Variants in CDON observed in about 807,000 individuals in gnomAD.
CDON encodes the protein cell adhesion associated, oncogene regulated, also known as cell adhesion molecule-related/down-regulated by oncogenes.
CDON carries 73 observed loss-of-function variants against 120.9 expected under a neutral mutation model. The observed-to-expected ratio is 0.60, with a 90% CI of 0.50 to 0.73. The LOEUF (loss-of-function observed/expected upper bound fraction) is 0.73, where lower values mean the gene tolerates loss of function less well. CDON is among the 30% of genes least tolerant of loss of function. The pLI is 0.00. For missense variants in CDON, 1,470 were observed against 1,587.3 expected (o/e 0.93, Z 1.26); for synonymous variants, 566 against 573.5 (o/e 0.99, Z 0.19).
chr11:126,056,732 T>C (rs532868733), intron 1 of CDON, among the ~76,000 whole-genome samples: 4 of 152,350 alleles, frequency 2.6e-5, no homozygotes, highest in African/African-American at 9.6e-5. Context: ...TCTGAATGTA[T>C]AGGCATAGCC....
intron 1 of CDON, among the ~76,000 whole-genome samples, chr11:126,043,958 G>A (rs1948334424): frequency 6.6e-6 from 1 of 152,204 alleles, no homozygotes; most frequent in Non-Finnish European, 1.5e-5. Flanking sequence ...ACCAAAGACA[G>A]GTCCCAAAAT....
At position 126,023,439 on chromosome 11, in the gene CDON, T is replaced by C. The variant is rs758651711; in HGVS notation, c.38A>G (p.Tyr13Cys). 9 of 1,613,302 alleles carry C rather than the reference T, an allele frequency of 5.6e-6. No homozygotes were observed. The highest frequency in any genetic ancestry group is 1.7e-6 in the Non-Finnish European group (2 of 1,179,282). Residue 13 changes from tyrosine to cysteine, a missense_variant, in exon 2 of 20, where the codon TAT (tyrosine) becomes TGT (cysteine). Coordinates refer to ENST00000531738, the MANE Select transcript of CDON (RefSeq NM_001378964.1). The part of the protein sequence containing the change: ...PDLGPLCTLL[Y>C]VTLTILCSSV... ...AGAGCACAGAATTGTAAGAGTAACATACAGCAGTGTACATAAGGGTCCAAG... is the reference window on the plus strand; with the variant it reads ...AGAGCACAGAATTGTAAGAGTAACACACAGCAGTGTACATAAGGGTCCAAG...
At chr11:126,050,578 T>C (rs989589299) in intron 1 of CDON, among the ~76,000 whole-genome samples, 5 of 151,134 alleles carry the variant, frequency 3.3e-5, no homozygotes, top group African/African-American at 9.8e-5. Context: ...AAGGGCTCTA[T>C]AAAAGTTATT....
intron 1 of CDON, among the ~76,000 whole-genome samples, chr11:126,048,926 C>T (rs1948480584): frequency 6.6e-6 from 1 of 152,184 alleles, no homozygotes; most frequent in Non-Finnish European, 1.5e-5. Context: ...TGGTCTCAAA[C>T]TCCCAATCTC....
At chr11:126,006,247 G>A (rs1454118435) in intron 8 of CDON, among the ~76,000 whole-genome samples, 190 bp from the exon 9 acceptor site, 1 of 152,146 alleles carries the variant, frequency 6.6e-6, no homozygotes, top group Non-Finnish European at 1.5e-5. Context: ...TCTCATGGTG[G>A]AGCAAATGAA....
chr11:126,057,088 T>C (rs915237590), intron 1 of CDON, among the ~76,000 whole-genome samples: 1 of 152,152 alleles, frequency 6.6e-6, no homozygotes, highest in Non-Finnish European at 1.5e-5. Context: ...GTTTTCAAAG[T>C]ATTTGGTTTA....
chr11:126,024,306 T>C (rs1250053427), intron 1 of CDON, among the ~76,000 whole-genome samples: 4 of 152,188 alleles, frequency 2.6e-5, no homozygotes, highest in Non-Finnish European at 5.9e-5. Flanking sequence ...AAAAGATCAC[T>C]GGCTGAAGTG....
At chr11:126,032,516 G>A (rs1947970485) in intron 1 of CDON, among the ~76,000 whole-genome samples, 1 of 152,132 alleles carries the variant, frequency 6.6e-6, no homozygotes, top group Non-Finnish European at 1.5e-5. Flanking sequence ...AGAGGAGGGT[G>A]TCAAAGGCTT....
intron 15 of CDON, among the ~76,000 whole-genome samples, chr11:125,988,740 T>C (rs1281892635): frequency 6.6e-6 from 1 of 152,212 alleles, no homozygotes; most frequent in African/African-American, 2.4e-5. Flanking sequence ...ACGGCAACAT[T>C]TGACAGTGAA....
chr11:126,050,143 G>A (rs550651239), intron 1 of CDON, among the ~76,000 whole-genome samples: 60 of 151,290 alleles, frequency 4.0e-4, no homozygotes, highest in African/African-American at 1.3e-3. Flanking sequence ...GGCAAAATGC[G>A]CTTCAATGTT....
At chr11:126,049,970 A>G (rs937147373) in intron 1 of CDON, among the ~76,000 whole-genome samples, 1 of 152,224 alleles carries the variant, frequency 6.6e-6, no homozygotes, top group Admixed American at 6.5e-5. Flanking sequence ...ATGTACCGTT[A>G]AAGAATTTCT....
chr11:126,063,073 G>C (rs897454373), upstream of CDON, among the ~76,000 whole-genome samples: 3 of 151,984 alleles, frequency 2.0e-5, no homozygotes, highest in Admixed American at 6.5e-5. Flanking sequence ...TCAGCGGCGG[G>C]GGCACGGGCC....
At chr11:126,058,544 A>G (rs1346142062) in intron 1 of CDON, among the ~76,000 whole-genome samples, 2 of 152,230 alleles carry the variant, frequency 1.3e-5, no homozygotes, top group African/African-American at 4.8e-5. Context: ...AGAGGGCTAC[A>G]TGGGAGTAGG....
chr11:125,978,367 G>A lies in CDON; in HGVS notation c.3293C>T (p.Thr1098Met), dbSNP rs1260225651. The change falls in exon 18 of 20, where the codon ACG (threonine) becomes ATG (methionine). Residue 1098 changes from threonine (T) to methionine (M), a missense_variant. By Grantham distance (81) the Thr-to-Met change is moderately conservative. Transcript: ENST00000531738. The stretch of plus-strand genomic sequence containing the variant: ...CAGAGGGTCAATCTGAGGCACGGCC[G>A]TGTACATTCCACCACCCTGGACAGG... ...HHLVNGGGMY[T>M]AVPQIDPLEC... 7 of 1,605,204 alleles carry A rather than the reference G, an allele frequency of 4.4e-6. No individual in the cohort carries two copies. Among genetic ancestry groups the A allele is most frequent in the South Asian group, 2.2e-5 (2 of 89,550 alleles).
chr11:126,009,542 T>C (rs142664597), intron 8 of CDON, among the ~76,000 whole-genome samples: 1 of 152,308 alleles, frequency 6.6e-6, no homozygotes, highest in East Asian at 1.9e-4. Flanking sequence ...ATGGGCTCTT[T>C]AACCTGTGGG....
At chr11:126,004,232 T>C in intron 9 of CDON, 156 bp from the exon 10 acceptor site, 1 of 743,864 alleles carries the variant, frequency 1.3e-6, no homozygotes. Flanking sequence ...TACTTCTTCA[T>C]ATTAAGAAAT....
chr11:125,979,340 GAAT>G (rs1301146383), intron 17 of CDON, among the ~76,000 whole-genome samples: 1 of 152,128 alleles, frequency 6.6e-6, no homozygotes, highest in Non-Finnish European at 1.5e-5. Context: ...CCAGCAACAG[GAAT>G]TATTAAGAAC....
chr11:126,012,075 T>C (rs892474915), intron 7 of CDON, among the ~76,000 whole-genome samples: 1 of 152,228 alleles, frequency 6.6e-6, no homozygotes, highest in Non-Finnish European at 1.5e-5. Context: ...TCTTAATTAC[T>C]ACAGATATTT....
At chr11:125,989,328 G>C (rs1281637197) in intron 15 of CDON, among the ~76,000 whole-genome samples, 1 of 152,172 alleles carries the variant, frequency 6.6e-6, no homozygotes, top group Non-Finnish European at 1.5e-5. Flanking sequence ...CTGAGGCCAG[G>C]AGTTCGAGAC....
Sources: allele counts gnomAD v4.1 joint callset (sites outside exome capture counted in the v4.1 genomes callset), GRCh38; gene constraint gnomAD v4.1.1; transcripts MANE v1.5; gene names NCBI Gene and HGNC (gene_info 2026-07-23, HGNC 2026-07-21).